Variants in CDH13 observed in about 807,000 individuals in gnomAD.
The protein encoded by CDH13 is cadherin 13.
CDH13 carries 24 observed loss-of-function variants against 63.8 expected under a neutral mutation model. The observed-to-expected ratio is 0.38, with a 90% CI of 0.27 to 0.53. The LOEUF (loss-of-function observed/expected upper bound fraction) is 0.53, where lower values mean the gene tolerates loss of function less well. CDH13 is among the 20% of genes least tolerant of loss of function. The pLI, the probability that CDH13 is intolerant of heterozygous loss-of-function variation, is 0.85. For synonymous variants in CDH13, 503 were observed against 355.3 expected (o/e 1.42, Z -4.67); for missense variants, 1,049 against 903.1 (o/e 1.16, Z -2.07).
chr16:82,694,600 G>A (rs1270230453), intron 1 of CDH13, among the ~76,000 whole-genome samples: 7 of 152,010 alleles, frequency 4.6e-5, no homozygotes, highest in Non-Finnish European at 4.4e-5. Flanking sequence ...TAAAACCTCT[G>A]TTAATACTCA....
At chr16:82,916,818 G>A (rs2042005878) in intron 2 of CDH13, among the ~76,000 whole-genome samples, 1 of 152,052 alleles carries the variant, frequency 6.6e-6, no homozygotes, top group Admixed American at 6.6e-5. Flanking sequence ...TCCCTACTAG[G>A]AGATAGTTGT....
chr16:82,996,935 T>A (rs111064070), intron 2 of CDH13, among the ~76,000 whole-genome samples: 19,007 of 149,848 alleles, frequency 0.13, 1,540 homozygotes, highest in African/African-American at 0.24. Context: ...TAATGATAAT[T>A]ACGATGGTGT....
At chr16:83,075,318 G>A (rs113428471) in intron 3 of CDH13, among the ~76,000 whole-genome samples, 6 of 152,146 alleles carry the variant, frequency 3.9e-5, no homozygotes, top group East Asian at 3.9e-4. Context: ...ATGTGGCCCC[G>A]TGAAGATGAA....
At chr16:83,652,413 A>G (rs1487019715) in intron 8 of CDH13, among the ~76,000 whole-genome samples, 1 of 152,116 alleles carries the variant, frequency 6.6e-6, no homozygotes, top group Non-Finnish European at 1.5e-5. Context: ...CTCCAGTTAG[A>G]GACGGCTGTG....
chr16:83,551,223 A>G (rs1195526775), intron 7 of CDH13, among the ~76,000 whole-genome samples: 2 of 152,098 alleles, frequency 1.3e-5, no homozygotes, highest in Non-Finnish European at 2.9e-5. Flanking sequence ...CTGGGATCAC[A>G]GGTGTACACC....
chr16:83,225,383 C>T (rs930872285), intron 5 of CDH13, among the ~76,000 whole-genome samples: 1 of 152,210 alleles, frequency 6.6e-6, no homozygotes, highest in Non-Finnish European at 1.5e-5. Flanking sequence ...AAACTGCTTT[C>T]TTTTTGTTTC....
chr16:83,018,353 T>TA (rs1431205742), intron 2 of CDH13, among the ~76,000 whole-genome samples: 1 of 152,240 alleles, frequency 6.6e-6, no homozygotes, highest in Non-Finnish European at 1.5e-5. Flanking sequence ...GTTTATCCCT[T>TA]ACTGCCTACT....
chr16:83,484,613 T>C (rs1363950252), intron 6 of CDH13, among the ~76,000 whole-genome samples: 4 of 152,232 alleles, frequency 2.6e-5, no homozygotes, highest in Admixed American at 2.6e-4. Flanking sequence ...CAAAATGTTA[T>C]AGATGAGGCC....
chr16:83,430,914 C>G (rs1208662619), intron 6 of CDH13, among the ~76,000 whole-genome samples: 1 of 151,512 alleles, frequency 6.6e-6, no homozygotes, highest in African/African-American at 2.4e-5. Flanking sequence ...TGTGCTGCAC[C>G]CACTAACTCG....
At chr16:83,236,502 T>A (rs1223211596) in intron 5 of CDH13, among the ~76,000 whole-genome samples, 2 of 152,298 alleles carry the variant, frequency 1.3e-5, no homozygotes, top group East Asian at 1.9e-4. Context: ...AAAAATTTAA[T>A]TAGTGAAACC....
Position 82,942,031 on chromosome 16 carries a change from A to G in CDH13, c.157+83558A>G, listed in dbSNP as rs563661614. Among the ~76,000 whole-genome samples, 226 of 152,164 alleles carry G rather than the reference A, an allele frequency of 1.5e-3. 1 individual carries two copies. The highest frequency in any genetic ancestry group is 0.01 in the Middle Eastern group (3 of 294). Reference sequence around the variant, plus strand: ...CTTAATGGTGTCGTTTGATAAACAGATGTTCTGTATTTTAATGAAGGCTAA... The same window carrying G: ...CTTAATGGTGTCGTTTGATAAACAGGTGTTCTGTATTTTAATGAAGGCTAA... On this transcript the variant is annotated intron_variant, in intron 2 of 13. Transcript: ENST00000567109.
chr16:82,729,115 A>C (rs1441183884), intron 1 of CDH13, among the ~76,000 whole-genome samples: 1 of 152,150 alleles, frequency 6.6e-6, no homozygotes, highest in Non-Finnish European at 1.5e-5. Context: ...CCTCTACTGA[A>C]GTCATAAAGC....
chr16:83,741,394 A>G (rs944718748), intron 10 of CDH13, among the ~76,000 whole-genome samples: 7 of 152,074 alleles, frequency 4.6e-5, no homozygotes, highest in African/African-American at 1.4e-4. Context: ...CTTCAGCAGG[A>G]ATATAAAAAT....
At chr16:83,129,931 T>C (rs562735293) in intron 4 of CDH13, among the ~76,000 whole-genome samples, 1 of 152,354 alleles carries the variant, frequency 6.6e-6, no homozygotes, top group African/African-American at 2.4e-5. Context: ...AGCATTCTCA[T>C]GTCCTGGGCT....
intron 5 of CDH13, among the ~76,000 whole-genome samples, chr16:83,271,768 A>T (rs1228362548): frequency 6.6e-6 from 1 of 152,180 alleles, no homozygotes. Flanking sequence ...ATTAGAGAAA[A>T]ATTCTGTAAT....
intron 1 of CDH13, among the ~76,000 whole-genome samples, chr16:82,729,568 G>T (rs908768211): frequency 6.6e-6 from 1 of 152,056 alleles, no homozygotes; most frequent in Non-Finnish European, 1.5e-5. Context: ...CAGATGTGCT[G>T]TTAGACAGGC....
intron 6 of CDH13, among the ~76,000 whole-genome samples, chr16:83,406,100 C>A (rs947784239): frequency 2.0e-5 from 3 of 152,176 alleles, no homozygotes; most frequent in African/African-American, 7.2e-5. Flanking sequence ...AAGCTAATGT[C>A]CTCAGAGGTG....
intron 5 of CDH13, among the ~76,000 whole-genome samples, chr16:83,283,898 AAT>A (rs1294720190): frequency 1.3e-5 from 2 of 151,948 alleles, no homozygotes; most frequent in African/African-American, 4.9e-5. Context: ...TAATTTTATT[AAT>A]CATTACATTT....
At chr16:82,902,945 G>A (rs2041519377) in intron 2 of CDH13, among the ~76,000 whole-genome samples, 1 of 152,118 alleles carries the variant, frequency 6.6e-6, no homozygotes, top group African/African-American at 2.4e-5. Flanking sequence ...TCTAAGAGTT[G>A]GAATCTACAT....
Sources: gnomAD v4.1 joint callset for allele counts (sites outside exome capture counted in the v4.1 genomes callset) on GRCh38, gnomAD v4.1.1 for gene constraint, MANE v1.5 for transcripts, NCBI Gene and HGNC (gene_info 2026-07-23, HGNC 2026-07-21) for gene names.